The following LRP1B variants were observed in gnomAD, a reference collection of about 807,000 sequenced individuals.
The protein encoded by LRP1B is low-density lipoprotein receptor-related protein 1B.
In LRP1B, 217 loss-of-function variants were observed where a neutral mutation model predicts 556.6. That is an observed-to-expected ratio of 0.39 (90% CI 0.35 to 0.44). LRP1B has a LOEUF of 0.44. Ranked by LOEUF, LRP1B falls within the 20% of genes least tolerant of loss-of-function variation. LRP1B has a pLI of 1.00. For missense variants in LRP1B, 5,053 were observed against 5,620.8 expected (o/e 0.90, Z 3.23); for synonymous variants, 2,047 against 1,865.8 (o/e 1.10, Z -2.50).
At chr2:140,266,483 A>G (rs983320374) in intron 86 of LRP1B, among the ~76,000 whole-genome samples, 3 of 151,982 alleles carry the variant, frequency 2.0e-5, no homozygotes, top group South Asian at 4.1e-4. Context: ...TCCAACCTTC[A>G]TTTCCTAATC....
At chr2:140,461,201 A>T (rs1384566554) in intron 60 of LRP1B, among the ~76,000 whole-genome samples, 1 of 152,054 alleles carries the variant, frequency 6.6e-6, no homozygotes, top group Admixed American at 6.6e-5. Flanking sequence ...TTTTTTAGTT[A>T]GCATTTATCA....
intron 35 of LRP1B, among the ~76,000 whole-genome samples, chr2:140,729,569 C>T (rs1489222992): frequency 6.6e-6 from 1 of 152,032 alleles, no homozygotes; most frequent in Non-Finnish European, 1.5e-5. Context: ...GAACAAATTC[C>T]CGCTTTAAAA....
intron 12 of LRP1B, among the ~76,000 whole-genome samples, chr2:141,019,620 G>A (rs957513799): frequency 6.6e-6 from 1 of 151,932 alleles, no homozygotes; most frequent in Non-Finnish European, 1.5e-5. Context: ...TTCTCTGGTT[G>A]AATTGATTAT....
chr2:141,160,099 A>G (rs1469435271), intron 7 of LRP1B, among the ~76,000 whole-genome samples: 1 of 151,266 alleles, frequency 6.6e-6, no homozygotes, highest in African/African-American at 2.4e-5. Flanking sequence ...CATGTATCCC[A>G]TTTCTTATTT....
At position 141,623,673 on chromosome 2, in the gene LRP1B, C is replaced by T. The variant is rs140460491; in HGVS notation, c.206-143140G>A. 2.6e-3 allele frequency among the ~76,000 whole-genome samples: 395 copies of T among 152,092 alleles called. 1 individual carries two copies. Among genetic ancestry groups the T allele is most frequent in the Non-Finnish European group, 4.7e-3 (317 of 68,010 alleles). On this transcript the variant is annotated intron_variant, in intron 2 of 90. Transcript: ENST00000389484. ...AATGATACCACAAAGTTCTGATCCC[C>T]TCTTCACCGGGGCAACATAGAGACA...
At chr2:141,397,663 G>T (rs1690292245) in intron 3 of LRP1B, among the ~76,000 whole-genome samples, 2 of 151,932 alleles carry the variant, frequency 1.3e-5, no homozygotes, top group Admixed American at 1.3e-4. Context: ...GATCTTTATA[G>T]GTAGGCTTTC....
intron 37 of LRP1B, among the ~76,000 whole-genome samples, chr2:140,705,828 T>C (rs1686818687): frequency 6.6e-6 from 1 of 152,146 alleles, no homozygotes; most frequent in African/African-American, 2.4e-5. Flanking sequence ...TGTGTAGGAC[T>C]CACTTTTAGA....
At chr2:141,029,772 T>C (rs1053814676) in intron 11 of LRP1B, among the ~76,000 whole-genome samples, 23 of 152,134 alleles carry the variant, frequency 1.5e-4, no homozygotes, top group Non-Finnish European at 2.9e-5. Flanking sequence ...TTGGCACCAA[T>C]GCAGTGGCGG....
chr2:141,752,945 G>GAAAAAAAAAAAA (rs70994450), intron 2 of LRP1B, among the ~76,000 whole-genome samples: 300 of 28,174 alleles, frequency 0.011, 31 homozygotes, highest in African/African-American at 0.024. Flanking sequence ...CCCTGTCTCA[G>GAAAAAAAAAAAA]AAAAAAAAAA....
rs369254950 is a variant in LRP1B at position 141,133,381 on chromosome 2, A to C, written c.1013+55040T>G. On this transcript the variant is annotated intron_variant, in intron 7 of 90. Transcript: ENST00000389484. ...TCCTCTACAAAACTCTGTTAAGGGA[A>C]TATTCTAATAATAAGATCCTAACTT... 3.3e-5 allele frequency among the ~76,000 whole-genome samples: 5 copies of C among 151,470 alleles called. 1 individual carries two copies. In the East Asian group the frequency reaches 5.9e-4, roughly 18 times the overall value.
chr2:141,698,864 A>T (rs895868982), intron 2 of LRP1B, among the ~76,000 whole-genome samples: 1 of 151,870 alleles, frequency 6.6e-6, no homozygotes, highest in Non-Finnish European at 1.5e-5. Context: ...TGAAATTATT[A>T]TGAAGGTCTG....
chr2:141,940,706 C>G (rs1387268526), intron 1 of LRP1B, among the ~76,000 whole-genome samples: 1 of 152,116 alleles, frequency 6.6e-6, no homozygotes, highest in Non-Finnish European at 1.5e-5. Context: ...TATGCAGATT[C>G]AGTTCATCAC....
intron 1 of LRP1B, among the ~76,000 whole-genome samples, chr2:142,069,241 C>A (rs1272600761): frequency 6.6e-6 from 1 of 151,550 alleles, no homozygotes; most frequent in Non-Finnish European, 1.5e-5. Context: ...AATATTAAGT[C>A]AAAGAAGTTT....
intron 2 of LRP1B, among the ~76,000 whole-genome samples, chr2:141,527,267 T>C (rs1400863881): frequency 6.6e-6 from 1 of 152,110 alleles, no homozygotes; most frequent in Non-Finnish European, 1.5e-5. Flanking sequence ...AATTCTTTTC[T>C]GGTCTTCTTA....
At chr2:141,657,023 C>A (rs982207080) in intron 2 of LRP1B, among the ~76,000 whole-genome samples, 3 of 152,014 alleles carry the variant, frequency 2.0e-5, no homozygotes, top group East Asian at 1.9e-4. Flanking sequence ...TTTGGAACAA[C>A]AAACTTAAAG....
chr2:140,239,854 C>A (rs1680874072), intron 87 of LRP1B, among the ~76,000 whole-genome samples: 1 of 150,902 alleles, frequency 6.6e-6, no homozygotes, highest in Non-Finnish European at 1.5e-5. Flanking sequence ...CAAGTACCTG[C>A]TAGTACCTCT....
intron 1 of LRP1B, among the ~76,000 whole-genome samples, chr2:142,002,444 C>A (rs1486171472): frequency 6.6e-6 from 1 of 151,774 alleles, no homozygotes; most frequent in African/African-American, 2.4e-5. Flanking sequence ...TTCATAAAAT[C>A]ATTTGCAGCT....
intron 3 of LRP1B, among the ~76,000 whole-genome samples, chr2:141,470,677 C>T (rs141150322): frequency 0.028 from 4,234 of 152,260 alleles, 100 homozygotes; most frequent in Non-Finnish European, 0.037. Flanking sequence ...CAGCTTCCTG[C>T]TTTAATTCCT....
At chr2:141,768,130 C>T (rs10496895) in intron 2 of LRP1B, among the ~76,000 whole-genome samples, 14,514 of 152,084 alleles carry the variant, frequency 0.095, 969 homozygotes, top group African/African-American at 0.18. Flanking sequence ...AAAATAAGAT[C>T]GTGTGCATTG....
Sources: gnomAD v4.1 joint callset for allele counts (sites outside exome capture counted in the v4.1 genomes callset) on GRCh38, gnomAD v4.1.1 for gene constraint, MANE v1.5 for transcripts, NCBI Gene and HGNC (gene_info 2026-07-23, HGNC 2026-07-21) for gene names.